ETFBKMT: variants seen among roughly 807,000 people sequenced by gnomAD.
ETFBKMT encodes electron transfer flavoprotein beta subunit lysine methyltransferase.
A neutral mutation model predicts 18.3 loss-of-function variants in ETFBKMT; 13 were observed. That is an observed-to-expected ratio of 0.71 (90% confidence interval 0.46 to 1.13). ETFBKMT has a LOEUF of 1.13. ETFBKMT is among the 50% of genes most tolerant of loss of function. ETFBKMT has a pLI of 0.00. For missense variants in ETFBKMT, 293 were observed against 306.2 expected, an observed-to-expected ratio of 0.96 and a Z score of 0.32; for synonymous variants, 84 against 107.9, an observed-to-expected ratio of 0.78 and a Z score of 1.37.
In ETFBKMT at chr12:31,663,468, C is replaced by T. The variant is rs186429999; in HGVS notation, c.314+1201C>T. Among the ~76,000 whole-genome samples the T allele has an allele frequency of 5.1e-4, 77 of 152,170 alleles. 1 individual carries two copies. The East Asian group carries it at 0.011, about 21-fold the overall frequency. Reference sequence around the variant, plus strand: ...CTCGAACCCCTGACCTCAAGTGATCCGCCAGCCTCGGCCTCCCAAAGTGCT... The same window carrying T: ...CTCGAACCCCTGACCTCAAGTGATCTGCCAGCCTCGGCCTCCCAAAGTGCT... On this transcript the variant is annotated intron_variant, in intron 2 of 3. Coordinates refer to ENST00000357721, the MANE Select transcript of ETFBKMT (RefSeq NM_001135863.2).
In ETFBKMT at chr12:31,660,523, A is replaced by G. The variant is rs929776683; in HGVS notation, c.-114+734A>G. Among the ~76,000 whole-genome samples the G allele has an allele frequency of 7.9e-5, 12 of 151,950 alleles. 1 individual carries two copies. The highest frequency in any genetic ancestry group is 1.9e-4 in the East Asian group (1 of 5,190). Reference sequence around the variant, plus strand: ...TTTATTCTAATCCGGGTGTTTTTCTATATATATATATTTTTAAACAAATCT... The same window carrying G: ...TTTATTCTAATCCGGGTGTTTTTCTGTATATATATATTTTTAAACAAATCT... On this transcript the variant is annotated intron_variant, in intron 1 of 3. Transcript: ENST00000357721.
In ETFBKMT at chr12:31,667,717, C is replaced by T. The variant is rs1156640442; in HGVS notation, c.516C>T (p.Asn172=). The T allele has an allele frequency of 6.2e-7, 1 of 1,613,218 alleles. No homozygotes were observed. The highest frequency in any genetic ancestry group is 1.7e-5 in the Admixed American group (1 of 59,912). Residue 172 remains asparagine (N), a synonymous_variant, in exon 4 of 4, where the codon AAC becomes AAT. Coordinates refer to ENST00000357721, the MANE Select transcript of ETFBKMT (RefSeq NM_001135863.2). ...ATCCTTTTCCTATTTTAATCCAAAA[C>T]ATTTTGAATTTGGAACAAGATAAGT... is the stretch of plus-strand genomic sequence containing the variant. ...RLNPFPILIQ[N]ILNLEQDKWD... is the part of the protein sequence containing the mutation.
At chr12:31,657,282 A>G (rs1951069851), upstream of ETFBKMT, among the ~76,000 whole-genome samples, 1 of 152,240 alleles carries the variant, frequency 6.6e-6, no homozygotes, top group African/African-American at 2.4e-5. Flanking sequence ...TCAAATTGTT[A>G]TCAGTTCACA....
intron 2 of ETFBKMT, among the ~76,000 whole-genome samples, chr12:31,662,662 G>A (rs80352492): frequency 0.05 from 7,602 of 151,830 alleles, 441 homozygotes; most frequent in East Asian, 0.28. Flanking sequence ...GCCTTGTTGC[G>A]TAATTTCCCA....
chr12:31,667,567 T>G (rs1484999507), intron 3 of ETFBKMT, 80 bp from the exon 4 acceptor site: 1 of 1,043,284 alleles, frequency 9.6e-7, no homozygotes, highest in African/African-American at 1.6e-5. Flanking sequence ...TGTTAGCAGA[T>G]CTTCTAAATT....
In ETFBKMT at chr12:31,672,534, T is replaced by G; in HGVS notation, c.*4544T>G. On this transcript the variant is annotated 3_prime_UTR_variant, in exon 4 of 4. Coordinates refer to ENST00000357721, the MANE Select transcript of ETFBKMT (RefSeq NM_001135863.2). ...CAATATACAACTAACTCACTAATAA[T>G]TAATTAATGGTAGCCCTCACTATTA... The G allele has an allele frequency of 1.7e-6, 1 of 582,128 alleles. No individual in the cohort carries two copies. Among genetic ancestry groups the G allele is most frequent in the Non-Finnish European group, 3.1e-6 (1 of 326,114 alleles). The allele number at this position is 582,128 out of a possible 1,614,324, so 36.1% of individuals were successfully genotyped here. A position where few individuals can be genotyped will look rare whatever the true frequency, so the allele number is the denominator to read the frequency against.
At chr12:31,647,991 T>C (rs1419438792) in intron 1 of ETFBKMT, among the ~76,000 whole-genome samples, 1 of 152,226 alleles carries the variant, frequency 6.6e-6, no homozygotes, top group African/African-American at 2.4e-5. Context: ...AGAGTTACTA[T>C]ATCACCCAGC....
intron 1 of ETFBKMT, among the ~76,000 whole-genome samples, chr12:31,649,668 A>C (rs1950998062): frequency 6.6e-6 from 1 of 151,958 alleles, no homozygotes; most frequent in South Asian, 2.1e-4. Context: ...TGTTCTGGTG[A>C]TCTGTGATCA....
chr12:31,651,307 CT>C (rs71062448), intron 1 of ETFBKMT, among the ~76,000 whole-genome samples: 8,580 of 144,608 alleles, frequency 0.059, 480 homozygotes, highest in East Asian at 0.27. Context: ...GATGCCTTCC[CT>C]TTTTTTTTTT....
At chr12:31,648,242 A>G (rs1008687008) in intron 1 of ETFBKMT, among the ~76,000 whole-genome samples, 1 of 152,234 alleles carries the variant, frequency 6.6e-6, no homozygotes, top group Non-Finnish European at 1.5e-5. Context: ...GATTCGTTTC[A>G]GGACCCCTGA....
At chr12:31,654,474 A>G (rs1164120702), upstream of ETFBKMT, among the ~76,000 whole-genome samples, 2 of 152,250 alleles carry the variant, frequency 1.3e-5, no homozygotes, top group Non-Finnish European at 2.9e-5. Context: ...TTGTACACAA[A>G]TGTTCAAAAC....
chr12:31,652,195 G>A (rs1428317792), intron 1 of ETFBKMT, among the ~76,000 whole-genome samples: 1 of 152,098 alleles, frequency 6.6e-6, no homozygotes, highest in African/African-American at 2.4e-5. Context: ...ATCCACTGCC[G>A]GCTGGTCCTT....
In ETFBKMT at chr12:31,672,051, TGCTAGGA is replaced by T. The variant is rs1951284072; in HGVS notation, c.*4062_*4068del. On this transcript the variant is annotated 3_prime_UTR_variant, in exon 4 of 4. Coordinates refer to ENST00000357721, the MANE Select transcript of ETFBKMT (RefSeq NM_001135863.2). ...ATCCAACACCATAGATCAGAGTTCA[TGCTAGGA>T]TTATCATTTCAAAAATAATGACTCA... The T allele has an allele frequency of 2.7e-6, 1 of 377,146 alleles. No individual in the cohort carries two copies. The highest frequency in any genetic ancestry group is 4.8e-6 in the Non-Finnish European group (1 of 207,884). The allele number at this position is 377,146 out of a possible 1,614,324, so 23.4% of individuals were successfully genotyped here.
At chr12:31,661,458 T>C (rs1284205917) in intron 1 of ETFBKMT, among the ~76,000 whole-genome samples, 5 of 152,212 alleles carry the variant, frequency 3.3e-5, no homozygotes, top group African/African-American at 1.2e-4. Flanking sequence ...TACAGTAATA[T>C]ACACTGTAAT....
chr12:31,650,940 T>G (rs1951012305), intron 1 of ETFBKMT, among the ~76,000 whole-genome samples: 1 of 152,066 alleles, frequency 6.6e-6, no homozygotes, highest in Non-Finnish European at 1.5e-5. Flanking sequence ...TACTAGGGAC[T>G]TAGAACAGAA....
chr12:31,657,714 C>T (rs1951073824), upstream of ETFBKMT, among the ~76,000 whole-genome samples: 1 of 150,572 alleles, frequency 6.6e-6, no homozygotes, highest in African/African-American at 2.5e-5. Flanking sequence ...ATGGCTTGAA[C>T]CCAGGAGGCA....
In ETFBKMT at chr12:31,650,865, C is replaced by T. The variant is rs766357166; in HGVS notation, c.-114+3610C>T. Among the ~76,000 whole-genome samples the T allele has an allele frequency of 8.5e-5, 13 of 152,156 alleles. No individual in the cohort carries two copies. The South Asian group carries it at 2.5e-3, about 29-fold the overall frequency. Reference sequence around the variant, plus strand: ...AGTGGACAGGGTCTATGCAAACCTGCGGCCAAGGAAGCTGAGAGGTGGAAG... The same window carrying T: ...AGTGGACAGGGTCTATGCAAACCTGTGGCCAAGGAAGCTGAGAGGTGGAAG... On this transcript the variant is annotated intron_variant, in intron 1 of 3. Transcript: ENST00000412352.
intron 1 of ETFBKMT, among the ~76,000 whole-genome samples, chr12:31,651,072 T>A (rs921722304): frequency 6.6e-6 from 1 of 152,066 alleles, no homozygotes; most frequent in Non-Finnish European, 1.5e-5. Context: ...GGAGAACAAC[T>A]TAAGTATGAT....
chr12:31,664,841 C>T (rs944967650), intron 2 of ETFBKMT, among the ~76,000 whole-genome samples: 1 of 151,732 alleles, frequency 6.6e-6, no homozygotes, highest in African/African-American at 2.4e-5. Flanking sequence ...TCTCGAACTC[C>T]TGACCTCAGG....
Sources: gnomAD v4.1 joint callset for allele counts (sites outside exome capture counted in the v4.1 genomes callset) on GRCh38, gnomAD v4.1.1 for gene constraint, MANE v1.5 for transcripts, NCBI Gene and HGNC (gene_info 2026-07-23, HGNC 2026-07-21) for gene names.